Variants in NPEPPS observed in about 807,000 individuals in gnomAD.
The protein encoded by NPEPPS is puromycin-sensitive aminopeptidase.
In NPEPPS, 14 loss-of-function variants were observed where a neutral mutation model predicts 115.5. The observed-to-expected ratio is 0.12, with a 90% CI of 0.08 to 0.19. NPEPPS has a LOEUF of 0.19. Among genes scored for constraint, NPEPPS ranks in the 10% least tolerant of loss-of-function variants. The pLI is 1.00. For missense variants in NPEPPS, 523 were observed against 1,110.8 expected, an observed-to-expected ratio of 0.47 and a Z score of 7.52; for synonymous variants, 285 against 390.6, an observed-to-expected ratio of 0.73 and a Z score of 3.19.
chr17:47,568,855 G>A (rs1456199828), intron 2 of NPEPPS, among the ~76,000 whole-genome samples: 2 of 150,564 alleles, frequency 1.3e-5, no homozygotes, highest in African/African-American at 2.4e-5. Context: ...GGGTTTCTCC[G>A]TGTTGGTCAG....
intron 13 of NPEPPS, among the ~76,000 whole-genome samples, chr17:47,596,907 G>T (rs1008916524): frequency 6.6e-6 from 1 of 152,178 alleles, no homozygotes; most frequent in Non-Finnish European, 1.5e-5. Flanking sequence ...AATTAGCTGA[G>T]CATGGTGGCA....
At chr17:47,584,920 C>T (rs998469307) in intron 5 of NPEPPS, among the ~76,000 whole-genome samples, 16 of 152,142 alleles carry the variant, frequency 1.1e-4, no homozygotes, top group Non-Finnish European at 1.5e-5. Context: ...CTCCGCCTCC[C>T]TAGTTCACGA....
intron 13 of NPEPPS, among the ~76,000 whole-genome samples, chr17:47,599,044 T>A: frequency 6.6e-6 from 1 of 152,224 alleles, no homozygotes; most frequent in East Asian, 1.9e-4. Context: ...TGTCTGTTGC[T>A]CTTAATTCTT....
chr17:47,546,408 A>G (rs1174985997), intron 2 of NPEPPS, among the ~76,000 whole-genome samples: 2 of 152,218 alleles, frequency 1.3e-5, no homozygotes, highest in Non-Finnish European at 2.9e-5. Flanking sequence ...CCTGTGCGAC[A>G]GAGTGAGACC....
At chr17:47,589,231 G>A (rs952140046) in intron 9 of NPEPPS, among the ~76,000 whole-genome samples, 1 of 151,992 alleles carries the variant, frequency 6.6e-6, no homozygotes, top group African/African-American at 2.4e-5. Context: ...ACAGGCATGA[G>A]CTACCACACC....
At chr17:47,576,468 G>A (rs1340640073) in intron 3 of NPEPPS, among the ~76,000 whole-genome samples, 2 of 152,122 alleles carry the variant, frequency 1.3e-5, no homozygotes, top group East Asian at 3.8e-4. Flanking sequence ...CTTTAGCCTG[G>A]GTGACAGACT....
chr17:47,613,257 C>CTTTTTTT (rs753383358), intron 18 of NPEPPS, among the ~76,000 whole-genome samples: 19 of 98,228 alleles, frequency 1.9e-4, no homozygotes, highest in South Asian at 3.2e-4. Flanking sequence ...ATAATATTTA[C>CTTTTTTT]TTTTTTTTTT....
intron 19 of NPEPPS, among the ~76,000 whole-genome samples, chr17:47,614,875 T>A (rs1287604310): frequency 6.6e-6 from 1 of 152,208 alleles, no homozygotes; most frequent in African/African-American, 2.4e-5. Flanking sequence ...AACACTCTTC[T>A]GACTTACAGG....
chr17:47,583,410 A>C (rs113670526), intron 5 of NPEPPS, among the ~76,000 whole-genome samples: 10 of 150,952 alleles, frequency 6.6e-5, no homozygotes, highest in East Asian at 3.9e-4. Context: ...CATGGTGAAA[A>C]CCTGTCCTTA....
At chr17:47,565,522 A>G (rs1332789556) in intron 2 of NPEPPS, among the ~76,000 whole-genome samples, 1 of 150,972 alleles carries the variant, frequency 6.6e-6, no homozygotes, top group Non-Finnish European at 1.5e-5. Context: ...AAAAAAAAAA[A>G]AAAAAGGTGA....
upstream of NPEPPS, among the ~76,000 whole-genome samples, chr17:47,527,103 TTC>T (rs1907466779): frequency 6.6e-6 from 1 of 152,196 alleles, no homozygotes; most frequent in South Asian, 2.1e-4. Context: ...GTCCTTGAAT[TTC>T]TGTGTGCCTG....
At chr17:47,565,976 T>C (rs1167235366) in intron 2 of NPEPPS, among the ~76,000 whole-genome samples, 1 of 152,166 alleles carries the variant, frequency 6.6e-6, no homozygotes, top group African/African-American at 2.4e-5. Context: ...CTTCTAGTTA[T>C]TGTGCTACAC....
chr17:47,543,857 G>C (rs1422876120), intron 1 of NPEPPS, among the ~76,000 whole-genome samples: 5 of 150,342 alleles, frequency 3.3e-5, no homozygotes, highest in African/African-American at 1.2e-4. Context: ...AGGAAAACAT[G>C]GACCAAGATG....
At chr17:47,527,533 T>G (rs1397469396), upstream of NPEPPS, among the ~76,000 whole-genome samples, 1 of 151,370 alleles carries the variant, frequency 6.6e-6, no homozygotes, top group African/African-American at 2.4e-5. Context: ...TAGTAAGCAC[T>G]TGATAAACAT....
chr17:47,613,873 T>TA (rs1311479195), intron 19 of NPEPPS, 148 bp downstream of exon 19: 1 of 588,438 alleles, frequency 1.7e-6, no homozygotes, highest in African/African-American at 1.9e-5. Flanking sequence ...GTGAGAGAAT[T>TA]ATGTCTATCC....
At chr17:47,565,408 C>T (rs893112110) in intron 2 of NPEPPS, among the ~76,000 whole-genome samples, 58 of 147,358 alleles carry the variant, frequency 3.9e-4, no homozygotes, top group Non-Finnish European at 7.1e-4. Context: ...ACTCGGGAGG[C>T]TGAGGCAGAA....
In NPEPPS at chr17:47,594,586, TTTATTTTATGTTATG is replaced by T. The variant is rs1485550981; in HGVS notation, c.1427-1762_1427-1748del. Reference sequence around the variant, plus strand: ...CCACCACGGCCGGCTAATTTTGTATTTTATTTTATGTTATGTTATGTTATGTTATGTTATGTTATG... The same window carrying T: ...CCACCACGGCCGGCTAATTTTGTATTTTATGTTATGTTATGTTATGTTATG... On this transcript the variant is annotated intron_variant, in intron 12 of 22. Coordinates refer to ENST00000322157, the MANE Select transcript of NPEPPS (RefSeq NM_006310.4). 1.9e-3 allele frequency among the ~76,000 whole-genome samples: 221 copies of T among 118,766 alleles called. 1 individual carries two copies. The highest frequency in any genetic ancestry group is 6.6e-3 in the African/African-American group (198 of 29,848). The allele number at this position is 118,766 out of a possible 152,430, so 77.9% of individuals were successfully genotyped here.
intron 9 of NPEPPS, among the ~76,000 whole-genome samples, chr17:47,588,754 T>C (rs1018865632): frequency 2.0e-5 from 3 of 152,128 alleles, no homozygotes; most frequent in African/African-American, 7.2e-5. Flanking sequence ...GTAGGGGAAA[T>C]GTGTACATTC....
At chr17:47,537,315 T>G (rs1457215655) in intron 1 of NPEPPS, among the ~76,000 whole-genome samples, 1 of 152,240 alleles carries the variant, frequency 6.6e-6, no homozygotes, top group Non-Finnish European at 1.5e-5. Flanking sequence ...ATGCTAAGCT[T>G]TGTCTAATTC....
Sources: allele counts gnomAD v4.1 joint callset (sites outside exome capture counted in the v4.1 genomes callset), GRCh38; gene constraint gnomAD v4.1.1; transcripts MANE v1.5; gene names NCBI Gene and HGNC (gene_info 2026-07-23, HGNC 2026-07-21).